FGGY: variants seen among roughly 807,000 people sequenced by gnomAD.
The protein encoded by FGGY is FGGY carbohydrate kinase domain-containing protein.
In FGGY, 72 loss-of-function variants were observed where a neutral mutation model predicts 71.3. The ratio of observed to expected loss-of-function variants is 1.01; its 90% CI spans 0.84 to 1.23. FGGY has a LOEUF of 1.23. Ranked by LOEUF, FGGY falls within the 50% of genes most tolerant of loss-of-function variation. The probability of loss-of-function intolerance (pLI) is 0.00; values close to 1 mark genes in which losing one functional copy is unlikely to be tolerated. For synonymous variants in FGGY, 251 were observed against 250.3 expected, an observed-to-expected ratio of 1.00 and a Z score of -0.02; for missense variants, 668 against 682.3, an observed-to-expected ratio of 0.98 and a Z score of 0.23.
At chr1:59,329,782 A>G (rs1048428253) in intron 2 of FGGY, among the ~76,000 whole-genome samples, 3 of 152,214 alleles carry the variant, frequency 2.0e-5, no homozygotes, top group Non-Finnish European at 4.4e-5. Flanking sequence ...TGAACCCACA[A>G]TGCCATTTAA....
At chr1:59,548,903 T>G (rs952121135) in intron 7 of FGGY, among the ~76,000 whole-genome samples, 2 of 152,192 alleles carry the variant, frequency 1.3e-5, no homozygotes, top group Non-Finnish European at 2.9e-5. Context: ...CTATTCATAT[T>G]GTAGAGATGT....
chr1:59,483,534 C>T (rs1175111920), intron 6 of FGGY, among the ~76,000 whole-genome samples: 3 of 152,138 alleles, frequency 2.0e-5, no homozygotes, highest in Non-Finnish European at 4.4e-5. Context: ...CTATTTTCTA[C>T]TGTGGTCTTA....
At chr1:59,436,810 A>G (rs1334184887) in intron 5 of FGGY, among the ~76,000 whole-genome samples, 2 of 152,186 alleles carry the variant, frequency 1.3e-5, no homozygotes, top group East Asian at 1.9e-4. Context: ...AGGAAGGGAA[A>G]GTACTTTGGC....
chr1:59,347,202 C>T (rs533919427), intron 4 of FGGY, among the ~76,000 whole-genome samples: 8 of 150,652 alleles, frequency 5.3e-5, no homozygotes, highest in Non-Finnish European at 5.9e-5. Context: ...CCCATTAACT[C>T]GTCATTTAAC....
At chr1:59,461,004 C>T (rs1220455713) in intron 6 of FGGY, among the ~76,000 whole-genome samples, 1 of 152,182 alleles carries the variant, frequency 6.6e-6, no homozygotes, top group Non-Finnish European at 1.5e-5. Context: ...AACCAGAGCA[C>T]CTCTTCTCCT....
At chr1:59,420,140 AG>A (rs1345083795) in intron 5 of FGGY, among the ~76,000 whole-genome samples, 2 of 152,220 alleles carry the variant, frequency 1.3e-5, no homozygotes, top group African/African-American at 4.8e-5. Flanking sequence ...GCCCTTCACA[AG>A]GCAGAATTGT....
At chr1:59,372,926 A>G (rs1187598809) in intron 4 of FGGY, among the ~76,000 whole-genome samples, 1 of 152,186 alleles carries the variant, frequency 6.6e-6, no homozygotes, top group Non-Finnish European at 1.5e-5. Flanking sequence ...AATAAGAGCT[A>G]TCTATGACAA....
Position 59,343,582 on chromosome 1 carries a change from C to G in FGGY, c.314-2665C>G, listed in dbSNP as rs563176561. ...CAGTATAGACTCTTTCTCCTGCAGA[C>G]ATATGTTGCTTAAGGGCAGAACTGT... On this transcript the variant is annotated intron_variant, in intron 3 of 15. Transcript: ENST00000303721. Among the ~76,000 whole-genome samples, 144 of 152,270 alleles carry G rather than the reference C, an allele frequency of 9.5e-4. 1 individual carries two copies. Among genetic ancestry groups the G allele is most frequent in the African/African-American group, 3.2e-3 (134 of 41,558 alleles).
intron 14 of FGGY, among the ~76,000 whole-genome samples, chr1:59,683,050 A>G (rs1466403860): frequency 6.6e-6 from 1 of 152,170 alleles, no homozygotes; most frequent in Non-Finnish European, 1.5e-5. Context: ...TCTGTAGGTA[A>G]TGATAAAAAC....
chr1:59,448,705 A>G (rs758891134), intron 5 of FGGY, among the ~76,000 whole-genome samples: 9 of 152,176 alleles, frequency 5.9e-5, no homozygotes, highest in Non-Finnish European at 1.3e-4. Context: ...TTATTCATCC[A>G]TATAACTGGA....
intron 4 of FGGY, among the ~76,000 whole-genome samples, chr1:59,376,791 G>A (rs1029684806): frequency 6.6e-6 from 1 of 152,126 alleles, no homozygotes; most frequent in Non-Finnish European, 1.5e-5. Flanking sequence ...ATAGCTTTTT[G>A]GAGAGGGAGT....
chr1:59,616,612 C>A (rs533872828), intron 9 of FGGY, among the ~76,000 whole-genome samples: 3 of 151,590 alleles, frequency 2.0e-5, no homozygotes, highest in African/African-American at 7.3e-5. Context: ...GCACATGTAC[C>A]CTAAAACTTA....
chr1:59,525,295 A>C (rs1003853059), intron 7 of FGGY, among the ~76,000 whole-genome samples: 1 of 152,162 alleles, frequency 6.6e-6, no homozygotes, highest in African/African-American at 2.4e-5. Flanking sequence ...GGGATCCAGG[A>C]TGGTGGCGTG....
At chr1:59,476,218 C>T (rs2093258814) in intron 6 of FGGY, among the ~76,000 whole-genome samples, 1 of 152,224 alleles carries the variant, frequency 6.6e-6, no homozygotes, top group South Asian at 2.1e-4. Context: ...TCTTCTACTC[C>T]AGCAGTATTC....
intron 11 of FGGY, chr1:59,641,297 GTATAT>G (rs774320810): frequency 1.9e-6 from 3 of 1,609,632 alleles, no homozygotes. Context: ...CTGGATATCT[GTATAT>G]TCCGGCTTTG....
chr1:59,300,155 C>T (rs1028601991), intron 1 of FGGY, among the ~76,000 whole-genome samples: 1 of 152,072 alleles, frequency 6.6e-6, no homozygotes, highest in Non-Finnish European at 1.5e-5. Context: ...CAGTAAACTA[C>T]GTATTGAGAG....
At chr1:59,576,677 G>GACACACACAC (rs57817494) in intron 8 of FGGY, among the ~76,000 whole-genome samples, 23 of 130,056 alleles carry the variant, frequency 1.8e-4, no homozygotes, top group African/African-American at 3.9e-4. Flanking sequence ...CAGACAGACA[G>GACACACACAC]ACACACACAC....
At chr1:59,578,372 A>G (rs1393493927) in intron 8 of FGGY, among the ~76,000 whole-genome samples, 2 of 152,036 alleles carry the variant, frequency 1.3e-5, no homozygotes, top group Non-Finnish European at 2.9e-5. Context: ...AACAACGTAT[A>G]TGCATCAAGT....
intron 5 of FGGY, among the ~76,000 whole-genome samples, chr1:59,443,030 T>C (rs985639657): frequency 1.3e-5 from 2 of 152,160 alleles, no homozygotes; most frequent in African/African-American, 4.8e-5. Context: ...GAAATGATAA[T>C]GCTTTTCAGT....
Sources: gnomAD v4.1 joint callset for allele counts (sites outside exome capture counted in the v4.1 genomes callset) on GRCh38, gnomAD v4.1.1 for gene constraint, MANE v1.5 for transcripts, NCBI Gene and HGNC (gene_info 2026-07-23, HGNC 2026-07-21) for gene names.